The following PKP4 variants were observed in gnomAD, a reference collection of about 807,000 sequenced individuals.
PKP4 encodes the protein plakophilin-4.
PKP4 carries 90 observed loss-of-function variants against 145.1 expected under a neutral mutation model. That is an observed-to-expected ratio of 0.62 (90% confidence interval 0.52 to 0.74). The LOEUF (loss-of-function observed/expected upper bound fraction) is 0.74. PKP4 is among the 30% of genes least tolerant of loss of function. The pLI is 0.00. For missense variants in PKP4, 1,340 were observed against 1,482.7 expected, an observed-to-expected ratio of 0.90 and a Z score of 1.58; for synonymous variants, 563 against 577.2, an observed-to-expected ratio of 0.98 and a Z score of 0.35.
In PKP4 at chr2:158,621,064, G is replaced by C. The variant is rs145967976; in HGVS notation, c.355G>C (p.Glu119Gln). 6.2e-7 allele frequency: 1 copy of C among 1,614,052 alleles called. No homozygotes were observed. The highest frequency in any genetic ancestry group is 1.3e-5 in the African/African-American group (1 of 74,936). The change falls in exon 5 of 22, where the codon GAG becomes CAG. Residue 119 changes from glutamate to glutamine, a missense_variant. Glu to Gln is a conservative substitution (Grantham distance 29). Transcript: ENST00000389759. ...GCCCAACAACTATCTCATCAGGACA[G>C]AGCCAGAACAAGGAACCCTCTATTC... ...VQPNNYLIRT[E>Q]PEQGTLYSPE...
In PKP4 at chr2:158,661,451, G is replaced by T; in HGVS notation, c.2211+1G>T. ...GAACACATCCGATTACGACAGCAAGGTCAGTGCCGGCCTGGTTGCAGGAGG... is the reference window on the plus strand; with the variant it reads ...GAACACATCCGATTACGACAGCAAGTTCAGTGCCGGCCTGGTTGCAGGAGG... On this transcript the variant is annotated splice_donor_variant, in intron 13 of 21. Transcript: ENST00000389759. LOFTEE classifies it high-confidence loss of function. 1 of 1,594,952 alleles carries T rather than the reference G, an allele frequency of 6.3e-7. No homozygotes were observed. The highest frequency in any genetic ancestry group is 8.6e-7 in the Non-Finnish European group (1 of 1,163,072).
intron 1 of PKP4, among the ~76,000 whole-genome samples, chr2:158,487,693 T>C (rs1245675076): frequency 6.6e-6 from 1 of 152,176 alleles, no homozygotes; most frequent in East Asian, 1.9e-4. Flanking sequence ...TATACCACTT[T>C]GAATGCTGAG....
Position 158,603,118 on chromosome 2 carries a change from T to C in PKP4, c.280+14T>C. The C allele has an allele frequency of 7.1e-7, 1 of 1,410,276 alleles. No individual in the cohort carries two copies. The highest frequency in any genetic ancestry group is 9.7e-7 in the Non-Finnish European group (1 of 1,029,156). The allele number at this position is 1,410,276 out of a possible 1,614,324, so 87.4% of individuals were successfully genotyped here. A position where few individuals can be genotyped will look rare whatever the true frequency, so the allele number is the denominator to read the frequency against. The stretch of plus-strand genomic sequence containing the variant: ...GGAGATCAACAGGTATGTTTTTTAT[T>C]ATATAAAAGTTATGTTTGATAAACA... On this transcript the variant is annotated intron_variant, in intron 4 of 21. Coordinates refer to ENST00000389759, the MANE Select transcript of PKP4 (RefSeq NM_003628.6).
chr2:158,459,813 GAC>G (rs771328129), intron 1 of PKP4, among the ~76,000 whole-genome samples: 3 of 141,120 alleles, frequency 2.1e-5, no homozygotes, highest in Admixed American at 7.2e-5. Flanking sequence ...ACACACACAC[GAC>G]ACACACACAC....
chr2:158,562,478 G>A (rs755772007), intron 2 of PKP4, among the ~76,000 whole-genome samples: 9 of 152,250 alleles, frequency 5.9e-5, no homozygotes, highest in Non-Finnish European at 1.2e-4. Context: ...GTGGTTGCCA[G>A]AGGCTGGGTA....
chr2:158,651,372 T>C (rs943604777), intron 11 of PKP4, among the ~76,000 whole-genome samples: 27 of 152,010 alleles, frequency 1.8e-4, no homozygotes, highest in African/African-American at 6.0e-4. Context: ...TCCCTTCCCT[T>C]TTGGCCTCCT....
intron 11 of PKP4, among the ~76,000 whole-genome samples, chr2:158,643,665 G>A (rs993656443): frequency 2.8e-5 from 4 of 144,426 alleles, no homozygotes; most frequent in Non-Finnish European, 3.0e-5. Flanking sequence ...AGTGAGCCAT[G>A]ATCACACCAC....
intron 1 of PKP4, among the ~76,000 whole-genome samples, chr2:158,465,141 C>G (rs1034483055): frequency 9.9e-5 from 15 of 152,154 alleles, no homozygotes; most frequent in African/African-American, 3.6e-4. Flanking sequence ...AAAGATAAGA[C>G]ACATGAGGTA....
intron 12 of PKP4, chr2:158,659,508 C>G (rs1479122444): frequency 6.6e-6 from 1 of 152,214 alleles, no homozygotes; most frequent in Non-Finnish European, 1.5e-5. Context: ...ACCAGGAAGA[C>G]AGACAAACAA....
In PKP4 at chr2:158,621,422, G is replaced by T. The variant is rs1285799943; in HGVS notation, c.603+1G>T. ...AGCTGAAGGACAAACACTGGTTCAG[G>T]TAAGCCAAACGCATCAAGATCTCTG... On this transcript the variant is annotated splice_donor_variant, in intron 6 of 21. Transcript: ENST00000389759. LOFTEE classifies it high-confidence loss of function. 2.5e-6 allele frequency: 4 copies of T among 1,613,380 alleles called. No individual in the cohort carries two copies. The highest frequency in any genetic ancestry group is 1.7e-5 in the Admixed American group (1 of 59,986).
intron 1 of PKP4, among the ~76,000 whole-genome samples, chr2:158,464,184 T>C (rs1231158294): frequency 6.6e-6 from 1 of 152,224 alleles, no homozygotes; most frequent in Non-Finnish European, 1.5e-5. Flanking sequence ...GATGGTTTGA[T>C]TTGTCCTCAG....
intron 1 of PKP4, among the ~76,000 whole-genome samples, chr2:158,481,311 T>G (rs926392721): frequency 3.3e-5 from 5 of 152,228 alleles, no homozygotes; most frequent in African/African-American, 1.2e-4. Flanking sequence ...ATTTGGATTG[T>G]TTCCATGTTT....
At chr2:158,477,010 T>C (rs996408752) in intron 1 of PKP4, among the ~76,000 whole-genome samples, 2 of 152,178 alleles carry the variant, frequency 1.3e-5, no homozygotes, top group Non-Finnish European at 1.5e-5. Flanking sequence ...TGTGAACACC[T>C]GTATAATAGA....
At chr2:158,597,249 A>G (rs1201748307) in intron 3 of PKP4, among the ~76,000 whole-genome samples, 2 of 152,176 alleles carry the variant, frequency 1.3e-5, no homozygotes, top group East Asian at 1.9e-4. Flanking sequence ...AAAGAGCCCA[A>G]ATCAGGAGGA....
chr2:158,529,386 C>G (rs1401842652), intron 1 of PKP4, among the ~76,000 whole-genome samples: 1 of 152,204 alleles, frequency 6.6e-6, no homozygotes, highest in Non-Finnish European at 1.5e-5. Flanking sequence ...TTAACTACCA[C>G]TCTCATGTCT....
Position 158,665,124 on chromosome 2 carries a change from C to A in PKP4, c.2578-1289C>A, listed in dbSNP as rs987160469. Among the ~76,000 whole-genome samples, 9 of 152,248 alleles carry A rather than the reference C, an allele frequency of 5.9e-5. No individual in the cohort carries two copies. The East Asian group carries it at 1.5e-3, about 26-fold the overall frequency. Reference sequence around the variant, plus strand: ...TAAGAAAATGAGATAATCGTGGCCACAGATGTTATCAAGTAAGAAGCTATT... The same window carrying A: ...TAAGAAAATGAGATAATCGTGGCCAAAGATGTTATCAAGTAAGAAGCTATT... On this transcript the variant is annotated intron_variant, in intron 15 of 21. Coordinates refer to ENST00000389759, the MANE Select transcript of PKP4 (RefSeq NM_003628.6).
chr2:158,586,912 G>A (rs1189432351), intron 3 of PKP4, among the ~76,000 whole-genome samples: 5 of 152,056 alleles, frequency 3.3e-5, no homozygotes, highest in Non-Finnish European at 7.4e-5. Context: ...GTGACCCCAA[G>A]GTATTTCAAC....
intron 4 of PKP4, among the ~76,000 whole-genome samples, chr2:158,607,834 A>G (rs950824174): frequency 6.6e-6 from 1 of 152,136 alleles, no homozygotes; most frequent in Non-Finnish European, 1.5e-5. Flanking sequence ...TAGATTATGA[A>G]GACACATTAA....
At chr2:158,612,222 GTTGT>G (rs1158573908) in intron 4 of PKP4, among the ~76,000 whole-genome samples, 1 of 152,052 alleles carries the variant, frequency 6.6e-6, no homozygotes, top group Admixed American at 6.6e-5. Context: ...ACACATTTGA[GTTGT>G]TTGTTTTGGT....
Sources: gnomAD v4.1 joint callset for allele counts (sites outside exome capture counted in the v4.1 genomes callset) on GRCh38, gnomAD v4.1.1 for gene constraint, MANE v1.5 for transcripts, NCBI Gene and HGNC (gene_info 2026-07-23, HGNC 2026-07-21) for gene names.